Variants in SERPINH1 observed in about 807,000 individuals in gnomAD.
The protein encoded by SERPINH1 is serpin family H member 1.
SERPINH1 carries 22 observed loss-of-function variants against 32.3 expected under a neutral mutation model. That is an observed-to-expected ratio of 0.68 (90% CI 0.49 to 0.97). The LOEUF (loss-of-function observed/expected upper bound fraction) is 0.97. Ranked by LOEUF, SERPINH1 falls within the 50% of genes least tolerant of loss-of-function variation. The pLI, the probability that SERPINH1 is intolerant of heterozygous loss-of-function variation, is 0.00. For synonymous variants in SERPINH1, 251 were observed against 245.9 expected, an observed-to-expected ratio of 1.02 and a Z score of -0.19; for missense variants, 543 against 576.4, an observed-to-expected ratio of 0.94 and a Z score of 0.59.
chr11:75,572,778 A>G lies in SERPINH1; in HGVS notation c.*695A>G, dbSNP rs1276449394. 2 of 153,782 alleles carry G rather than the reference A, an allele frequency of 1.3e-5. No homozygotes were observed. The highest frequency in any genetic ancestry group is 2.0e-4 in the South Asian group (1 of 4,896). 9.5% of individuals were successfully genotyped at this position (153,782 alleles called of 1,614,324 possible). ...TTTTTTTTTCAATAAAACTTTTCCA[A>G]TGACATTTTGTTGGAGCGTGGAAGA... On this transcript the variant is annotated 3_prime_UTR_variant, in exon 5 of 5. Coordinates refer to ENST00000358171, the MANE Select transcript of SERPINH1 (RefSeq NM_001235.5).
rs1942072226 is a variant in SERPINH1, at chr11:75,566,373, C to T, written c.24C>T (p.Ser8=). Residue 8 remains serine (S), a synonymous_variant, in exon 2 of 5, where the codon AGC becomes AGT. Coordinates refer to ENST00000358171, the MANE Select transcript of SERPINH1 (RefSeq NM_001235.5). MRSLLLL[S]AFCLLEAALA... is the part of the protein sequence containing the mutation. ...CCATGCGCTCCCTCCTGCTTCTCAG[C>T]GCCTTCTGCCTCCTGGAGGCGGCCC... The T allele has an allele frequency of 1.9e-6, 3 of 1,610,098 alleles. No homozygotes were observed. The highest frequency in any genetic ancestry group is 2.5e-6 in the Non-Finnish European group (3 of 1,178,976).
intron 2 of SERPINH1, 68 bp from the exon 3 acceptor site, chr11:75,568,663 G>A (rs1942136020): frequency 2.0e-6 from 2 of 1,017,452 alleles, no homozygotes; most frequent in South Asian, 2.6e-5. Context: ...GCCGGGGGTG[G>A]CTGTGGGCTG....
Position 75,569,179 on chromosome 11 carries a change from G to T in SERPINH1, c.954+8G>T. 1.3e-6 allele frequency: 2 copies of T among 1,595,602 alleles called. No homozygotes were observed. The highest frequency in any genetic ancestry group is 1.7e-6 in the Non-Finnish European group (2 of 1,169,844). On this transcript the variant is annotated splice_region_variant and intron_variant, in intron 4 of 4. Coordinates refer to ENST00000358171, the MANE Select transcript of SERPINH1 (RefSeq NM_001235.5). ...GTGACCCATGACCTGCAGGTAAGGGGTGGCCCAGCCTAGGGGCCTGCAGGC... is the reference window on the plus strand; with the variant it reads ...GTGACCCATGACCTGCAGGTAAGGGTTGGCCCAGCCTAGGGGCCTGCAGGC...
At position 75,572,162 on chromosome 11, in the gene SERPINH1, A is replaced by G; in HGVS notation, c.*79A>G. The G allele has an allele frequency of 7.8e-7, 1 of 1,285,230 alleles. No individual in the cohort carries two copies. Among genetic ancestry groups the G allele is most frequent in the Non-Finnish European group, 1.1e-6 (1 of 903,374 alleles). The allele number at this position is 1,285,230 out of a possible 1,614,324, so 79.6% of individuals were successfully genotyped here. On this transcript the variant is annotated 3_prime_UTR_variant, in exon 5 of 5. Transcript: ENST00000358171. ...ATGGGTGCTATTGGGGTTGGGGGGG[A>G]GGTGAGGTACCAGCCTTGGATACTC...
At chr11:75,569,430 A>ATT in intron 4 of SERPINH1, 3 of 381,346 alleles carry the variant, frequency 7.9e-6, no homozygotes, top group Non-Finnish European at 1.4e-5. Flanking sequence ...TATTATTATT[A>ATT]TTTTTTTTTT....
chr11:75,565,168 C>A (rs919568472), intron 1 of SERPINH1, among the ~76,000 whole-genome samples: 5 of 152,176 alleles, frequency 3.3e-5, no homozygotes, highest in African/African-American at 1.2e-4. Context: ...TGGGGCTTGT[C>A]CTTGGGGCCA....
At chr11:75,567,573 C>G (rs184492151) in intron 2 of SERPINH1, among the ~76,000 whole-genome samples, 6 of 152,318 alleles carry the variant, frequency 3.9e-5, no homozygotes, top group African/African-American at 1.4e-4. Context: ...CTGCCCGCCT[C>G]GGCCTCCCAA....
At chr11:75,565,600 G>A (rs1168110717) in intron 1 of SERPINH1, among the ~76,000 whole-genome samples, 1 of 115,686 alleles carries the variant, frequency 8.6e-6, no homozygotes, top group Non-Finnish European at 1.9e-5. Context: ...GGAGACTGAG[G>A]CTGAGTGGAC....
Position 75,566,699 on chromosome 11 carries a change from C to T in SERPINH1, c.350C>T (p.Ser117Leu), listed in dbSNP as rs571009837. 76 of 1,611,148 alleles carry T rather than the reference C, an allele frequency of 4.7e-5. No individual in the cohort carries two copies. Among genetic ancestry groups the T allele is most frequent in the African/African-American group, 1.1e-4 (8 of 75,024 alleles). The change falls in exon 2 of 5, where the codon TCA becomes TTA. Residue 117 changes from serine (S) to leucine (L), a missense_variant. Transcript: ENST00000358171. ...VHAGLGELLR[S>L]LSNSTARNVT... Reference sequence around the variant, plus strand: ...GCCGGCCTGGGCGAGCTGCTGCGCTCACTCAGCAACTCCACGGCGCGCAAC... The same window carrying T: ...GCCGGCCTGGGCGAGCTGCTGCGCTTACTCAGCAACTCCACGGCGCGCAAC...
chr11:75,566,895 C>T lies in SERPINH1; in HGVS notation c.546C>T (p.Asp182=), dbSNP rs748359784. The T allele has an allele frequency of 3.1e-6, 5 of 1,608,932 alleles. No homozygotes were observed. Among genetic ancestry groups the T allele is most frequent in the South Asian group, 1.1e-5 (1 of 91,080 alleles). ...ACGAGTGGGCCGCGCAGACCACCGA[C>T]GGCAAGCTGCCCGAGGTCACCAAGG... The part of the protein sequence containing the change: ...SINEWAAQTT[D]GKLPEVTKDV... Residue 182 remains aspartate, a synonymous_variant, in exon 2 of 5, where the codon GAC becomes GAT. Coordinates refer to ENST00000358171, the MANE Select transcript of SERPINH1 (RefSeq NM_001235.5).
chr11:75,566,554 G>A lies in SERPINH1; in HGVS notation c.205G>A (p.Val69Met). The A allele has an allele frequency of 6.2e-7, 1 of 1,610,808 alleles. No homozygotes were observed. The highest frequency in any genetic ancestry group is 8.5e-7 in the Non-Finnish European group (1 of 1,179,508). Residue 69 changes from valine (V) to methionine (M), a missense_variant, in exon 2 of 5, where the codon GTG becomes ATG. Physicochemically the swap from Val to Met is conservative, Grantham distance 21. Coordinates refer to ENST00000358171, the MANE Select transcript of SERPINH1 (RefSeq NM_001235.5). ...AKDQAVENILVSPVVVASSLG... is the reference protein window; with the variant it reads ...AKDQAVENILMSPVVVASSLG... ...GGACCAGGCAGTGGAGAACATCCTGGTGTCACCCGTGGTGGTGGCCTCGTC... is the reference window on the plus strand; with the variant it reads ...GGACCAGGCAGTGGAGAACATCCTGATGTCACCCGTGGTGGTGGCCTCGTC...
At chr11:75,571,240 T>C (rs1283588523) in intron 4 of SERPINH1, among the ~76,000 whole-genome samples, 2 of 152,196 alleles carry the variant, frequency 1.3e-5, no homozygotes, top group East Asian at 1.9e-4. Flanking sequence ...TACCCACTAA[T>C]TCCCCCCTGC....
At chr11:75,571,232 C>G (rs1358430440) in intron 4 of SERPINH1, among the ~76,000 whole-genome samples, 1 of 152,158 alleles carries the variant, frequency 6.6e-6, no homozygotes, top group African/African-American at 2.4e-5. Context: ...TCCATTTATA[C>G]CCACTAATTC....
rs775801195 is a variant in SERPINH1 at position 75,566,685 on chromosome 11, C to A, written c.336C>A (p.Gly112=). ...LRDEEVHAGL[G]ELLRSLSNST... The stretch of plus-strand genomic sequence containing the variant: ...ACGAGGAGGTGCACGCCGGCCTGGG[C>A]GAGCTGCTGCGCTCACTCAGCAACT... The change falls in exon 2 of 5, where the codon GGC becomes GGA. Residue 112 remains glycine (G), a synonymous_variant. Transcript: ENST00000358171. 1.9e-6 allele frequency: 3 copies of A among 1,609,308 alleles called. No homozygotes were observed. The Admixed American group carries it at 5.0e-5, about 27-fold the overall frequency.
At position 75,572,392 on chromosome 11, in the gene SERPINH1, A is replaced by G; in HGVS notation, c.*309A>G. 2.3e-6 allele frequency: 1 copy of G among 443,976 alleles called. No homozygotes were observed. Among genetic ancestry groups the G allele is most frequent in the Non-Finnish European group, 4.2e-6 (1 of 237,944 alleles). 27.5% of individuals were successfully genotyped at this position (443,976 alleles called of 1,614,324 possible). On this transcript the variant is annotated 3_prime_UTR_variant, in exon 5 of 5. Coordinates refer to ENST00000358171, the MANE Select transcript of SERPINH1 (RefSeq NM_001235.5). ...CCTGCCTCAATCAGTATTCATATTT[A>G]TAGCCAGGTACCTTCTCACCTGTGA...
intron 4 of SERPINH1, among the ~76,000 whole-genome samples, chr11:75,571,299 G>C (rs1942191317): frequency 6.6e-6 from 1 of 152,116 alleles, no homozygotes; most frequent in South Asian, 2.1e-4. Context: ...CTCTGGACAG[G>C]TTTTCAGCCC....
chr11:75,569,355 A>T (rs1285680522), intron 4 of SERPINH1, 184 bp downstream of exon 4: 1 of 602,146 alleles, frequency 1.7e-6, no homozygotes, highest in East Asian at 2.8e-5. Flanking sequence ...GATGATGATA[A>T]TACCAGCAGC....
In SERPINH1 at chr11:75,566,995, G is replaced by GTCCTCC. The variant is rs35462148; in HGVS notation, c.622+34_622+39dup. Reference sequence around the variant, plus strand: ...GCGTGAGTCGGGGGCGCGTTCAGGGGTCCTCCTCCTCCTCCCAGGACCCCC... The same window carrying GTCCTCC: ...GCGTGAGTCGGGGGCGCGTTCAGGGGTCCTCCTCCTCCTCCTCCTCCCAGGACCCCC... On this transcript the variant is annotated intron_variant, in intron 2 of 4. Transcript: ENST00000358171. The GTCCTCC allele has an allele frequency of 2.1e-5, 32 of 1,546,608 alleles. No homozygotes were observed. The East Asian group carries it at 2.3e-4, about 11-fold the overall frequency.
At chr11:75,569,231 G>A (rs749971783) in intron 4 of SERPINH1, 60 bp downstream of exon 4, 1 of 1,279,288 alleles carries the variant, frequency 7.8e-7, no homozygotes, top group Non-Finnish European at 1.1e-6. Context: ...GGTGCTTGGG[G>A]GACCCACTCA....
Sources: gnomAD v4.1 joint callset for allele counts (sites outside exome capture counted in the v4.1 genomes callset) on GRCh38, gnomAD v4.1.1 for gene constraint, MANE v1.5 for transcripts, NCBI Gene and HGNC (gene_info 2026-07-23, HGNC 2026-07-21) for gene names.